The following MCC variants were observed in gnomAD, a reference collection of about 807,000 sequenced individuals.
MCC encodes colorectal mutant cancer protein.
Under a neutral mutation model 116.2 loss-of-function variants are expected in MCC, and 90 were observed. The ratio of observed to expected loss-of-function variants is 0.77; its 90% CI spans 0.65 to 0.92. MCC has a LOEUF of 0.92. MCC is among the 40% of genes least tolerant of loss of function. The pLI, the probability that MCC is intolerant of heterozygous loss-of-function variation, is 0.00. For synonymous variants in MCC, 578 were observed against 510.5 expected (o/e 1.13, Z -1.78); for missense variants, 1,516 against 1,312.2 (o/e 1.16, Z -2.40).
chr5:113,091,680 G>C (rs749750274), intron 8 of MCC, among the ~76,000 whole-genome samples: 4 of 152,104 alleles, frequency 2.6e-5, no homozygotes, highest in Non-Finnish European at 5.9e-5. Context: ...CCAGGAGTTT[G>C]AGACCAGCCT....
At chr5:113,430,091 C>G (rs947619738) in intron 1 of MCC, among the ~76,000 whole-genome samples, 2 of 152,178 alleles carry the variant, frequency 1.3e-5, no homozygotes, top group African/African-American at 4.8e-5. Flanking sequence ...CTCATTAGAA[C>G]TTGGTTGCCT....
chr5:113,483,630 T>G (rs1386214324), intron 1 of MCC, among the ~76,000 whole-genome samples: 2 of 152,078 alleles, frequency 1.3e-5, no homozygotes, highest in Non-Finnish European at 2.9e-5. Flanking sequence ...TAATAAAATA[T>G]ACACATATCC....
chr5:113,377,008 G>GT (rs1177067826), intron 2 of MCC, among the ~76,000 whole-genome samples: 1 of 152,194 alleles, frequency 6.6e-6, no homozygotes, highest in African/African-American at 2.4e-5. Flanking sequence ...CAGAATGGCT[G>GT]TAAGACTTGG....
chr5:113,046,899 C>G (rs969490931), intron 16 of MCC, among the ~76,000 whole-genome samples: 2 of 152,048 alleles, frequency 1.3e-5, no homozygotes, highest in African/African-American at 4.8e-5. Context: ...CAAACTGTAT[C>G]ACATCATCTC....
chr5:113,119,858 T>C (rs1171291941), intron 6 of MCC, among the ~76,000 whole-genome samples: 1 of 152,224 alleles, frequency 6.6e-6, no homozygotes, highest in African/African-American at 2.4e-5. Flanking sequence ...ATGAAAAGAA[T>C]GGTTTGGGAA....
intron 1 of MCC, among the ~76,000 whole-genome samples, chr5:113,446,884 A>C (rs71577449): frequency 6.6e-6 from 1 of 152,186 alleles, no homozygotes; most frequent in Admixed American, 6.5e-5. Context: ...ATCATACCCC[A>C]AACCTCAGTA....
intron 3 of MCC, among the ~76,000 whole-genome samples, chr5:113,169,664 G>A (rs1456784655): frequency 1.3e-5 from 2 of 152,288 alleles, no homozygotes; most frequent in Middle Eastern, 3.4e-3. Flanking sequence ...AGACACAAGG[G>A]TAGGTTTCTT....
intron 6 of MCC, among the ~76,000 whole-genome samples, chr5:113,118,879 G>T (rs1221339593): frequency 6.6e-6 from 1 of 152,180 alleles, no homozygotes; most frequent in Non-Finnish European, 1.5e-5. Flanking sequence ...TCCTCCTGGG[G>T]GATCTGGCAG....
intron 3 of MCC, among the ~76,000 whole-genome samples, chr5:113,265,565 C>T (rs890565430): frequency 6.6e-6 from 1 of 152,134 alleles, no homozygotes; most frequent in Non-Finnish European, 1.5e-5. Flanking sequence ...TTTGGTTGAA[C>T]GTTCCCAAAA....
At chr5:113,342,617 G>A (rs551743099) in intron 2 of MCC, among the ~76,000 whole-genome samples, 1 of 152,328 alleles carries the variant, frequency 6.6e-6, no homozygotes, top group African/African-American at 2.4e-5. Flanking sequence ...AAAGCTTCCT[G>A]GAGGAGAAAG....
chr5:113,333,830 T>TGTAC (rs1767773853), intron 3 of MCC, among the ~76,000 whole-genome samples: 1 of 73,964 alleles, frequency 1.4e-5, no homozygotes, highest in South Asian at 3.5e-4. Context: ...CATATATGTA[T>TGTAC]ATATGTATAT....
At chr5:113,452,298 C>A (rs897075619) in intron 1 of MCC, among the ~76,000 whole-genome samples, 1 of 152,178 alleles carries the variant, frequency 6.6e-6, no homozygotes, top group Non-Finnish European at 1.5e-5. Context: ...GAATTGTGGG[C>A]AGCTATATGC....
At chr5:113,241,252 G>T (rs1764352897) in intron 3 of MCC, among the ~76,000 whole-genome samples, 1 of 152,078 alleles carries the variant, frequency 6.6e-6, no homozygotes, top group Non-Finnish European at 1.5e-5. Context: ...TTCCAACAAT[G>T]ACTAAAATGA....
intron 3 of MCC, among the ~76,000 whole-genome samples, chr5:113,298,965 G>A (rs1033161952): frequency 2.7e-4 from 41 of 152,200 alleles, no homozygotes; most frequent in Middle Eastern, 3.4e-3. Context: ...AGTATAGGTG[G>A]GACATGCTGA....
At chr5:113,334,504 C>A (rs898184443) in intron 3 of MCC, among the ~76,000 whole-genome samples, 4 of 150,904 alleles carry the variant, frequency 2.7e-5, no homozygotes, top group African/African-American at 9.9e-5. Flanking sequence ...CCATGCCCGG[C>A]TGTATTACAT....
intron 3 of MCC, among the ~76,000 whole-genome samples, chr5:113,257,467 C>T (rs1255887682): frequency 1.3e-5 from 2 of 151,984 alleles, no homozygotes; most frequent in Non-Finnish European, 2.9e-5. Context: ...GAAGAGGGAG[C>T]AATCATTCAA....
At chr5:113,146,619 G>C (rs934794428) in intron 4 of MCC, among the ~76,000 whole-genome samples, 2 of 152,108 alleles carry the variant, frequency 1.3e-5, no homozygotes, top group African/African-American at 4.8e-5. Flanking sequence ...AGTCTCTCTA[G>C]CTTCCAACAA....
chr5:113,228,351 C>A (rs556285056), intron 3 of MCC, among the ~76,000 whole-genome samples: 1 of 152,226 alleles, frequency 6.6e-6, no homozygotes, highest in South Asian at 2.1e-4. Context: ...ACACCACCCC[C>A]CGAATGGTGC....
intron 3 of MCC, among the ~76,000 whole-genome samples, chr5:113,304,522 G>A (rs1766935573): frequency 6.6e-6 from 1 of 152,132 alleles, no homozygotes; most frequent in East Asian, 1.9e-4. Context: ...TATCAGTGGG[G>A]ATTTGATAAT....
Sources: allele counts gnomAD v4.1 joint callset (sites outside exome capture counted in the v4.1 genomes callset), GRCh38; gene constraint gnomAD v4.1.1; transcripts MANE v1.5; gene names NCBI Gene and HGNC (gene_info 2026-07-23, HGNC 2026-07-21).